SCARF1: variants seen among roughly 807,000 people sequenced by gnomAD.
The protein encoded by SCARF1 is scavenger receptor class F member 1.
SCARF1 carries 49 observed loss-of-function variants against 76.3 expected under a neutral mutation model. The observed-to-expected ratio is 0.64, with a 90% CI of 0.51 to 0.81. SCARF1 has a LOEUF of 0.81. Ranked by LOEUF, SCARF1 falls within the 40% of genes least tolerant of loss-of-function variation. The pLI, the probability that SCARF1 is intolerant of heterozygous loss-of-function variation, is 0.00. For missense variants in SCARF1, 1,098 were observed against 1,143.9 expected (o/e 0.96, Z 0.58); for synonymous variants, 495 against 474.6 (o/e 1.04, Z -0.56).
chr17:1,643,963 G>A lies in SCARF1; in HGVS notation c.270C>T (p.Cys90=). ...AGTCGGGGCCCCAGTACTGGCCCGGGCAGCCTGCGGGGGTGGGGACGGGAG... is the reference window on the plus strand; with the variant it reads ...AGTCGGGGCCCCAGTACTGGCCCGGACAGCCTGCGGGGGTGGGGACGGGAG... ...GFFGAHCSSR[C]PGQYWGPDCR... Residue 90 remains cysteine, a synonymous_variant, in exon 4 of 11, where the codon TGC becomes TGT. Coordinates refer to ENST00000263071, the MANE Select transcript of SCARF1 (RefSeq NM_003693.4). 2.3e-6 allele frequency: 3 copies of A among 1,331,714 alleles called. No homozygotes were observed. Among genetic ancestry groups the A allele is most frequent in the East Asian group, 6.2e-5 (2 of 32,454 alleles). The allele number at this position is 1,331,714 out of a possible 1,614,324, so 82.5% of individuals were successfully genotyped here. A position where few individuals can be genotyped will look rare whatever the true frequency, so the allele number is the denominator to read the frequency against.
At position 1,637,329 on chromosome 17, in the gene SCARF1, T is replaced by C. The variant is rs752721595; in HGVS notation, c.1365-267A>G. 4.0e-4 allele frequency among the ~76,000 whole-genome samples: 17 copies of C among 42,960 alleles called. No homozygotes were observed. In the East Asian group the frequency reaches 6.2e-3, roughly 16 times the overall value. The allele number at this position is 42,960 out of a possible 152,430, so 28.2% of individuals were successfully genotyped here. ...GTTTCCGCATCTGTAAAACAGATCC[T>C]ATCTATCTATCTATCTATCTATCTA... On this transcript the variant is annotated intron_variant, in intron 8 of 10. Coordinates refer to ENST00000263071, the MANE Select transcript of SCARF1 (RefSeq NM_003693.4).
At chr17:1,642,928 C>T (rs1910169307) in intron 4 of SCARF1, among the ~76,000 whole-genome samples, 1 of 152,160 alleles carries the variant, frequency 6.6e-6, no homozygotes, top group South Asian at 2.1e-4. Flanking sequence ...TCTCGAACTC[C>T]TGACCTCAGG....
Position 1,643,432 on chromosome 17 carries a change from G to A in SCARF1, c.791+10C>T. On this transcript the variant is annotated intron_variant, in intron 4 of 10. Coordinates refer to ENST00000263071, the MANE Select transcript of SCARF1 (RefSeq NM_003693.4). ...CCGCCAGCCCACCTGTCCCCGCCCCGCCCGCTCACCTGTGTGCGCACTGCA... is the reference window on the plus strand; with the variant it reads ...CCGCCAGCCCACCTGTCCCCGCCCCACCCGCTCACCTGTGTGCGCACTGCA... 2 of 1,030,676 alleles carry A rather than the reference G, an allele frequency of 1.9e-6. No homozygotes were observed. The highest frequency in any genetic ancestry group is 2.3e-6 in the Non-Finnish European group (2 of 860,488). The allele number at this position is 1,030,676 out of a possible 1,614,324, so 63.8% of individuals were successfully genotyped here.
Position 1,634,715 on chromosome 17 carries a change from A to C in SCARF1, c.*43T>G. 1 of 1,533,178 alleles carries C rather than the reference A, an allele frequency of 6.5e-7. No homozygotes were observed. The highest frequency in any genetic ancestry group is 8.8e-7 in the Non-Finnish European group (1 of 1,138,316). 95.0% of individuals were successfully genotyped at this position (1,533,178 alleles called of 1,614,324 possible). A position where few individuals can be genotyped will look rare whatever the true frequency, so the allele number is the denominator to read the frequency against. ...GGGATCATTTTCCAGCACACAGCAC[A>C]GTCTAGTCCATCCACTCTCCCCACT... On this transcript the variant is annotated 3_prime_UTR_variant, in exon 11 of 11. Coordinates refer to ENST00000263071, the MANE Select transcript of SCARF1 (RefSeq NM_003693.4).
chr17:1,643,853 G>A lies in SCARF1; in HGVS notation c.380C>T (p.Ala127Val). Reference sequence around the variant, plus strand: ...GCAGGCGCACGGGAACTCGCAGCGGGCTCCCCAGCGGTCGGCCTGGCACTG... The same window carrying A: ...GCAGGCGCACGGGAACTCGCAGCGGACTCCCCAGCGGTCGGCCTGGCACTG... ...ACQCQADRWG[A>V]RCEFPCACGP... Residue 127 changes from alanine to valine, a missense_variant, in exon 4 of 11, where the codon GCC (alanine) becomes GTC (valine). Ala to Val is a moderately conservative substitution (Grantham distance 64). Transcript: ENST00000263071. 1 of 1,273,190 alleles carries A rather than the reference G, an allele frequency of 7.9e-7. No homozygotes were observed. Among genetic ancestry groups the A allele is most frequent in the Non-Finnish European group, 9.9e-7 (1 of 1,012,836 alleles). The allele number at this position is 1,273,190 out of a possible 1,614,324, so 78.9% of individuals were successfully genotyped here. A position where few individuals can be genotyped will look rare whatever the true frequency, so the allele number is the denominator to read the frequency against.
Position 1,643,559 on chromosome 17 carries a change from C to T in SCARF1, c.674G>A (p.Cys225Tyr), listed in dbSNP as rs1164261842. Reference sequence around the variant, plus strand: ...GGCGGCGCTGCAGCGGCCCCGCACACACTCGCACTGCTGCTGGCATTCGGG... The same window carrying T: ...GGCGGCGCTGCAGCGGCCCCGCACATACTCGCACTGCTGCTGGCATTCGGG... ...WGPECQQQCE[C>Y]VRGRCSAASG... Residue 225 changes from cysteine (C) to tyrosine (Y), a missense_variant, in exon 4 of 11, where the codon TGT becomes TAT. Transcript: ENST00000263071. 1.0e-5 allele frequency: 15 copies of T among 1,464,164 alleles called. No individual in the cohort carries two copies. Among genetic ancestry groups the T allele is most frequent in the Non-Finnish European group, 1.3e-5 (15 of 1,114,928 alleles). 90.7% of individuals were successfully genotyped at this position (1,464,164 alleles called of 1,614,324 possible).
rs1296066775 is a variant in SCARF1, at chr17:1,643,581, C to T, written c.652G>A (p.Glu218Lys). 1 of 1,473,476 alleles carries T rather than the reference C, an allele frequency of 6.8e-7. No individual in the cohort carries two copies. Among genetic ancestry groups the T allele is most frequent in the Non-Finnish European group, 8.9e-7 (1 of 1,119,676 alleles). 91.3% of individuals were successfully genotyped at this position (1,473,476 alleles called of 1,614,324 possible). ...CACRPGWWGP[E>K]CQQQCECVRG... ...ACACACTCGCACTGCTGCTGGCATT[C>T]GGGACCCCACCAGCCCGGCCGGCAG... Residue 218 changes from glutamate to lysine, a missense_variant, in exon 4 of 11, where the codon GAA becomes AAA. Physicochemically the swap from Glu to Lys is moderately conservative, Grantham distance 56. Transcript: ENST00000263071.
rs756802628 is a variant in SCARF1 at position 1,638,852 on chromosome 17, AG to A, written c.1317del (p.Cys440AlafsTer27). On this transcript the variant is annotated frameshift_variant, in exon 8 of 11. Transcript: ENST00000263071. LOFTEE classifies it high-confidence loss of function. ...GGGGCCCAGCAGCAGCAGGCACAGCAGGCAAGGCCCAGGAAGAGCAGCAGCA... is the reference window on the plus strand; with the variant it reads ...GGGGCCCAGCAGCAGCAGGCACAGCAGCAAGGCCCAGGAAGAGCAGCAGCA... ...VPLLLLFLGLACCACCCWAPR... is the reference protein window; with the variant it reads ...VPLLLLFLGLXCCACCCWAPR... 6.2e-7 allele frequency: 1 copy of A among 1,611,116 alleles called. No homozygotes were observed. The highest frequency in any genetic ancestry group is 8.5e-7 in the Non-Finnish European group (1 of 1,178,472).
chr17:1,643,536 C>A lies in SCARF1; in HGVS notation c.697G>T (p.Ala233Ser). Residue 233 changes from alanine (A) to serine (S), a missense_variant, in exon 4 of 11, where the codon GCC (alanine) becomes TCC (serine). Ala to Ser is a moderately conservative substitution (Grantham distance 99). Coordinates refer to ENST00000263071, the MANE Select transcript of SCARF1 (RefSeq NM_003693.4). ...CECVRGRCSA[A>S]SGECTCPPGF... ...GGCGGGCAGGTGCACTCGCCGGAGG[C>A]GGCGCTGCAGCGGCCCCGCACACAC... 1 of 1,408,022 alleles carries A rather than the reference C, an allele frequency of 7.1e-7. No homozygotes were observed. Among genetic ancestry groups the A allele is most frequent in the African/African-American group, 1.5e-5 (1 of 66,620 alleles). 87.2% of individuals were successfully genotyped at this position (1,408,022 alleles called of 1,614,324 possible).
Position 1,640,524 on chromosome 17 carries a change from G to C in SCARF1, c.934C>G (p.His312Asp), listed in dbSNP as rs1279274954. 1 of 1,597,062 alleles carries C rather than the reference G, an allele frequency of 6.3e-7. No individual in the cohort carries two copies. The highest frequency in any genetic ancestry group is 1.1e-5 in the South Asian group (1 of 88,918). ...TCACAGGCCTCCCCATGTCGGCAGT[G>C]AGGGCACTGCTGTTCGCAGCTCTCG... ...FGESCEQQCP[H>D]CRHGEACEPD... is the part of the protein sequence containing the mutation. The change falls in exon 5 of 11, where the codon CAC becomes GAC. Residue 312 changes from histidine (H) to aspartate (D), a missense_variant. Physicochemically the swap from His to Asp is moderately conservative, Grantham distance 81. Transcript: ENST00000263071. This position sits in a 1 kb window ranked among gnomAD's most constrained non-coding sequence, Gnocchi z 4.7.
Position 1,634,918 on chromosome 17 carries a change from C to T in SCARF1, c.2333G>A (p.Arg778Gln), listed in dbSNP as rs149977313. The T allele has an allele frequency of 3.0e-4, 492 of 1,613,476 alleles. No homozygotes were observed. The highest frequency in any genetic ancestry group is 9.8e-5 in the Non-Finnish European group (116 of 1,179,856). The change falls in exon 11 of 11, where the codon CGG becomes CAG. Residue 778 changes from arginine to glutamine, a missense_variant. Transcript: ENST00000263071. ...PMAVRPEEAV[R>Q]GLGAGTESSR... Reference sequence around the variant, plus strand: ...ACTCTCGGTGCCAGCCCCCAGCCCCCGGACCGCTTCCTCTGGTCTGACTGC... The same window carrying T: ...ACTCTCGGTGCCAGCCCCCAGCCCCTGGACCGCTTCCTCTGGTCTGACTGC...
Position 1,645,307 on chromosome 17 carries a change from A to C in SCARF1, c.102-68T>G, listed in dbSNP as rs931403529. On this transcript the variant is annotated intron_variant, in intron 1 of 10. Transcript: ENST00000263071. This position sits in a 1 kb window ranked among gnomAD's most constrained non-coding sequence, Gnocchi z 6.3. The stretch of plus-strand genomic sequence containing the variant: ...AGCCTGGCCCTGAGGAAGGTGGATC[A>C]CTGTCTCTGGCTGCAGTGGGGGAGG... The C allele has an allele frequency of 6.3e-7, 1 of 1,579,024 alleles. No homozygotes were observed. The highest frequency in any genetic ancestry group is 8.6e-7 in the Non-Finnish European group (1 of 1,159,236).
Position 1,634,625 on chromosome 17 carries a change from T to G in SCARF1, c.*133A>C. Reference sequence around the variant, plus strand: ...AGCACTGCCAGGGGCCTGGGCCAACTGGCCTGGAAGCCTTGCCTTTTCCCT... The same window carrying G: ...AGCACTGCCAGGGGCCTGGGCCAACGGGCCTGGAAGCCTTGCCTTTTCCCT... On this transcript the variant is annotated 3_prime_UTR_variant, in exon 11 of 11. Transcript: ENST00000263071. The G allele has an allele frequency of 1.5e-6, 2 of 1,312,312 alleles. No individual in the cohort carries two copies. The highest frequency in any genetic ancestry group is 2.1e-6 in the Non-Finnish European group (2 of 972,694). 81.3% of individuals were successfully genotyped at this position (1,312,312 alleles called of 1,614,324 possible).
In SCARF1 at chr17:1,635,556, C is replaced by T. The variant is rs374439373; in HGVS notation, c.1695G>A (p.Pro565=). Residue 565 remains proline (P), a synonymous_variant, in exon 11 of 11, where the codon CCG becomes CCA. Coordinates refer to ENST00000263071, the MANE Select transcript of SCARF1 (RefSeq NM_003693.4). ...ATGGCGTGGAGGCGTCCTCAGGGGG[C>T]GGGAAAGCACCTGCAGCCAGGCTGG... The part of the protein sequence containing the change: ...SEASLAAGAF[P]PPEDASTPFA... 9 of 1,611,094 alleles carry T rather than the reference C, an allele frequency of 5.6e-6. No individual in the cohort carries two copies. The African/African-American group carries it at 6.7e-5, about 12-fold the overall frequency.
Position 1,640,988 on chromosome 17 carries a change from G to C in SCARF1, c.792-322C>G, listed in dbSNP as rs1910006326. ...TGAGTCCCATTTGCGAGGTCTGCCA[G>C]GCCTTCCCTCCTGCTCTTTTCACTT... On this transcript the variant is annotated intron_variant, in intron 4 of 10. Transcript: ENST00000263071. This position sits in a 1 kb window ranked among gnomAD's most constrained non-coding sequence, Gnocchi z 4.7. Among the ~76,000 whole-genome samples the C allele has an allele frequency of 6.6e-6, 1 of 152,206 alleles. No homozygotes were observed. The highest frequency in any genetic ancestry group is 1.5e-5 in the Non-Finnish European group (1 of 68,042).
chr17:1,642,751 C>G (rs1250921734), intron 4 of SCARF1, among the ~76,000 whole-genome samples: 2 of 152,162 alleles, frequency 1.3e-5, no homozygotes, highest in Non-Finnish European at 2.9e-5. Flanking sequence ...TGCTCTCTGG[C>G]CCAGGCTGGA....
At chr17:1,643,238 T>TCCCCGCCCCCCGGTGTCCG (rs1910206203) in intron 4 of SCARF1, 1 of 23,358 alleles carries the variant, frequency 4.3e-5, no homozygotes, top group Non-Finnish European at 7.2e-5. Flanking sequence ...CCCCGCCCCC[T>TCCCCGCCCCCCGGTGTCCG]CCCCGCCCAC....
In SCARF1 at chr17:1,638,850, GCAGGC is replaced by G; in HGVS notation, c.1315_1319del (p.Ala439LeufsTer80). 1 of 1,610,954 alleles carries G rather than the reference GCAGGC, an allele frequency of 6.2e-7. No individual in the cohort carries two copies. Among genetic ancestry groups the G allele is most frequent in the Non-Finnish European group, 8.5e-7 (1 of 1,178,388 alleles). On this transcript the variant is annotated frameshift_variant, in exon 8 of 11. Transcript: ENST00000263071. LOFTEE classifies it high-confidence loss of function. ...GGGGGGCCCAGCAGCAGCAGGCACAGCAGGCAAGGCCCAGGAAGAGCAGCAGCAGA... is the reference window on the plus strand; with the variant it reads ...GGGGGGCCCAGCAGCAGCAGGCACAGAAGGCCCAGGAAGAGCAGCAGCAGA...
chr17:1,640,340 G>T lies in SCARF1; in HGVS notation c.1010+108C>A. On this transcript the variant is annotated intron_variant, in intron 5 of 10. Coordinates refer to ENST00000263071, the MANE Select transcript of SCARF1 (RefSeq NM_003693.4). The surrounding 1 kb of genome is among the most constrained non-coding windows in gnomAD (Gnocchi z 4.7). Reference sequence around the variant, plus strand: ...TCTTCAACAGGAGGGAGGCCCCTGGGGCCGCATGAACCTGTGTGTCGGGGA... The same window carrying T: ...TCTTCAACAGGAGGGAGGCCCCTGGTGCCGCATGAACCTGTGTGTCGGGGA... 1 of 1,083,162 alleles carries T rather than the reference G, an allele frequency of 9.2e-7. No individual in the cohort carries two copies. 67.1% of individuals were successfully genotyped at this position (1,083,162 alleles called of 1,614,324 possible).
Sources: allele counts gnomAD v4.1 joint callset (sites outside exome capture counted in the v4.1 genomes callset), GRCh38; gene constraint gnomAD v4.1.1; non-coding constraint Gnocchi (gnomAD v3.1); transcripts MANE v1.5; gene names NCBI Gene and HGNC (gene_info 2026-07-23, HGNC 2026-07-21).